The following SAAL1 variants were observed in gnomAD, a reference collection of about 807,000 sequenced individuals.
SAAL1 encodes protein SAAL1.
In SAAL1, 42 loss-of-function variants were observed where a neutral mutation model predicts 59.8. The ratio of observed to expected loss-of-function variants is 0.70; its 90% CI spans 0.55 to 0.91. The LOEUF (loss-of-function observed/expected upper bound fraction) is 0.91, where lower values mean the gene tolerates loss of function less well. SAAL1 is among the 40% of genes least tolerant of loss of function. The pLI is 0.00. For synonymous variants in SAAL1, 191 were observed against 194.3 expected (o/e 0.98, Z 0.14); for missense variants, 542 against 561.1 (o/e 0.97, Z 0.34).
At chr11:18,105,723 G>A (rs917655542) in intron 1 of SAAL1, among the ~76,000 whole-genome samples, 184 bp downstream of exon 1, 4 of 152,304 alleles carry the variant, frequency 2.6e-5, no homozygotes, top group African/African-American at 9.6e-5. Context: ...GACCCCGAGG[G>A]GGCCCAGATA....
intron 2 of SAAL1, 62 bp downstream of exon 2, chr11:18,103,171 A>T: frequency 8.8e-7 from 1 of 1,141,480 alleles, no homozygotes; most frequent in Non-Finnish European, 1.3e-6. Flanking sequence ...AACCGTTTTT[A>T]AAACATTCAT....
chr11:18,103,425 C>A lies in SAAL1; in HGVS notation c.136-79G>T. On this transcript the variant is annotated intron_variant, in intron 1 of 11. Transcript: ENST00000524803. ...CAGGTACCCAAATACAGCAGGTGAT[C>A]AAATAACATTTCCTCGTAACGCTGA... The A allele has an allele frequency of 2.9e-6, 3 of 1,042,246 alleles. No individual in the cohort carries two copies. The South Asian group carries it at 3.8e-5, about 13-fold the overall frequency. 64.6% of individuals were successfully genotyped at this position (1,042,246 alleles called of 1,614,324 possible).
chr11:18,097,912 GGA>G (rs1848594732), intron 2 of SAAL1, among the ~76,000 whole-genome samples: 1 of 151,804 alleles, frequency 6.6e-6, no homozygotes, highest in South Asian at 2.1e-4. Context: ...TGGGAGGCCA[GGA>G]CAGGCGGATC....
At chr11:18,085,991 T>C (rs1346362616) in intron 9 of SAAL1, among the ~76,000 whole-genome samples, 1 of 152,260 alleles carries the variant, frequency 6.6e-6, no homozygotes, top group Non-Finnish European at 1.5e-5. Flanking sequence ...AATATGTGTT[T>C]ATATAGGAAA....
chr11:18,081,362 T>C (rs373060038), intron 11 of SAAL1, 49 bp downstream of exon 11: 3 of 1,293,290 alleles, frequency 2.3e-6, no homozygotes, highest in Middle Eastern at 1.9e-4. Context: ...TGAAAACATT[T>C]AGTAATCCTA....
Position 18,103,213 on chromosome 11 carries a change from T to G in SAAL1, c.249+20A>C. The G allele has an allele frequency of 6.6e-7, 1 of 1,510,636 alleles. No individual in the cohort carries two copies. The highest frequency in any genetic ancestry group is 1.1e-5 in the South Asian group (1 of 89,048). 93.6% of individuals were successfully genotyped at this position (1,510,636 alleles called of 1,614,324 possible). A position where few individuals can be genotyped will look rare whatever the true frequency, so the allele number is the denominator to read the frequency against. On this transcript the variant is annotated intron_variant, in intron 2 of 11. Coordinates refer to ENST00000524803, the MANE Select transcript of SAAL1 (RefSeq NM_138421.3). ...TCTCCTCACCCAACAGTCTTCAGAG[T>G]TTTGTTTCCAGCCTCATACCTCATC...
chr11:18,089,513 G>T lies in SAAL1; in HGVS notation c.590-3C>A. The T allele has an allele frequency of 6.2e-7, 1 of 1,608,074 alleles. No homozygotes were observed. The highest frequency in any genetic ancestry group is 8.5e-7 in the Non-Finnish European group (1 of 1,178,158). ...CCCCACCTTCACCAGCAAGTCAACT[G>T]CAGAGAATAAAACAGATATTGAAAT... On this transcript the variant is annotated splice_region_variant and splice_polypyrimidine_tract_variant and intron_variant, in intron 6 of 11. Transcript: ENST00000524803.
intron 4 of SAAL1, among the ~76,000 whole-genome samples, chr11:18,091,095 T>G (rs1012837823): frequency 2.6e-5 from 4 of 152,248 alleles, no homozygotes; most frequent in Admixed American, 6.5e-5. Flanking sequence ...GATGGACATT[T>G]CTGTTGATTC....
intron 3 of SAAL1, among the ~76,000 whole-genome samples, chr11:18,095,789 T>C (rs1005103955): frequency 2.0e-5 from 3 of 152,246 alleles, no homozygotes; most frequent in African/African-American, 7.2e-5. Flanking sequence ...TCTTTATCTA[T>C]TGTTCTTGGC....
At chr11:18,091,773 G>A (rs1230330363) in intron 4 of SAAL1, among the ~76,000 whole-genome samples, 4 of 152,150 alleles carry the variant, frequency 2.6e-5, no homozygotes, top group African/African-American at 4.8e-5. Context: ...AACGAGCCTC[G>A]AAGCAGATAT....
rs183342792 is a variant in SAAL1, at chr11:18,089,699, C to T, written c.590-189G>A. 2.5e-3 allele frequency among the ~76,000 whole-genome samples: 384 copies of T among 152,202 alleles called. 1 individual carries two copies. Among genetic ancestry groups the T allele is most frequent in the African/African-American group, 7.8e-3 (324 of 41,544 alleles). ...CCTCATTTTTAAATGAGGAATTTAT[C>T]AGTGTCCCAGGAGTTTAAGAAATTT... On this transcript the variant is annotated intron_variant, in intron 6 of 11. Transcript: ENST00000524803.
intron 4 of SAAL1, 119 bp from the exon 5 acceptor site, chr11:18,090,612 A>C (rs1477057560): frequency 7.3e-6 from 8 of 1,089,162 alleles, no homozygotes; most frequent in South Asian, 1.8e-5. Flanking sequence ...AGAAAAGCTC[A>C]AAAGATACAA....
chr11:18,091,285 A>G (rs1256606506), intron 4 of SAAL1, among the ~76,000 whole-genome samples: 2 of 152,350 alleles, frequency 1.3e-5, no homozygotes, highest in South Asian at 2.1e-4. Flanking sequence ...ATATCCCATC[A>G]GCAATATAAA....
At chr11:18,089,553 TA>T (rs759858014) in intron 6 of SAAL1, 43 bp from the exon 7 acceptor site, 1 of 1,565,120 alleles carries the variant, frequency 6.4e-7, no homozygotes, top group South Asian at 1.2e-5. Context: ...AACAAACTGC[TA>T]AAAGCAATAG....
intron 1 of SAAL1, among the ~76,000 whole-genome samples, chr11:18,105,332 CT>C (rs905892562): frequency 2.7e-3 from 348 of 127,420 alleles, no homozygotes; most frequent in Non-Finnish European, 2.7e-3. Flanking sequence ...TCACGACCGG[CT>C]TTTTTTTTTT....
At chr11:18,101,820 TAAAAA>T (rs58015469) in intron 2 of SAAL1, among the ~76,000 whole-genome samples, 1 of 113,158 alleles carries the variant, frequency 8.8e-6, no homozygotes, top group Non-Finnish European at 1.9e-5. Flanking sequence ...CATTCAGCAA[TAAAAA>T]AAAAAAAAAA....
At chr11:18,098,652 T>C (rs1349943360) in intron 2 of SAAL1, among the ~76,000 whole-genome samples, 1 of 152,206 alleles carries the variant, frequency 6.6e-6, no homozygotes, top group Non-Finnish European at 1.5e-5. Flanking sequence ...GCCAGACAAC[T>C]GACTGAGAGA....
At chr11:18,101,252 C>T (rs988327439) in intron 2 of SAAL1, among the ~76,000 whole-genome samples, 1 of 152,068 alleles carries the variant, frequency 6.6e-6, no homozygotes, top group Non-Finnish European at 1.5e-5. Flanking sequence ...ATACACCTAC[C>T]GTATGATCCA....
intron 3 of SAAL1, among the ~76,000 whole-genome samples, chr11:18,094,365 T>C (rs1399990978): frequency 6.6e-6 from 1 of 152,134 alleles, no homozygotes; most frequent in East Asian, 1.9e-4. Flanking sequence ...TACACACAGG[T>C]TCCACAGAGC....
Sources: gnomAD v4.1 joint callset for allele counts (sites outside exome capture counted in the v4.1 genomes callset) on GRCh38, gnomAD v4.1.1 for gene constraint, MANE v1.5 for transcripts, NCBI Gene and HGNC (gene_info 2026-07-23, HGNC 2026-07-21) for gene names.